The following TENT4A variants were observed in gnomAD, a reference collection of about 807,000 sequenced individuals.
TENT4A encodes the protein DNA polymerase kappa.
In TENT4A, 7 loss-of-function variants were observed where a neutral mutation model predicts 72.8. The ratio of observed to expected loss-of-function variants is 0.10; its 90% CI spans 0.05 to 0.18. The LOEUF is 0.18. Among genes scored for constraint, TENT4A ranks in the 10% least tolerant of loss-of-function variants. The pLI, the probability that TENT4A is intolerant of heterozygous loss-of-function variation, is 1.00. For synonymous variants in TENT4A, 456 were observed against 434.3 expected (o/e 1.05, Z -0.62); for missense variants, 831 against 1,017.7 (o/e 0.82, Z 2.50).
chr5:6,736,455 A>T lies in TENT4A; in HGVS notation c.717-1055A>T, dbSNP rs975968522. On this transcript the variant is annotated intron_variant, in intron 1 of 12. Transcript: ENST00000230859. Reference sequence around the variant, plus strand: ...TTGCCTTATTTATGAAACAGAATGGAAACAGGCGAGTTTGATTTGTTATAA... The same window carrying T: ...TTGCCTTATTTATGAAACAGAATGGTAACAGGCGAGTTTGATTTGTTATAA... 2.0e-5 allele frequency among the ~76,000 whole-genome samples: 3 copies of T among 152,360 alleles called. No individual in the cohort carries two copies. In the South Asian group the frequency reaches 6.2e-4, roughly 32 times the overall value.
At chr5:6,728,453 C>T (rs1741051792) in intron 1 of TENT4A, among the ~76,000 whole-genome samples, 1 of 152,208 alleles carries the variant, frequency 6.6e-6, no homozygotes, top group Non-Finnish European at 1.5e-5. Context: ...GAACGCCTTC[C>T]TCACAAAGCT....
intron 1 of TENT4A, among the ~76,000 whole-genome samples, chr5:6,735,134 A>G (rs189547493): frequency 1.3e-5 from 2 of 152,348 alleles, no homozygotes; most frequent in Admixed American, 6.5e-5. Context: ...CCTGTTTACA[A>G]TATGCTTTAA....
At chr5:6,741,847 C>T (rs951619818) in intron 4 of TENT4A, among the ~76,000 whole-genome samples, 1 of 152,164 alleles carries the variant, frequency 6.6e-6, no homozygotes, top group African/African-American at 2.4e-5. Context: ...GGAAACAAAA[C>T]ATTGCCTTTT....
At chr5:6,715,292 A>C (rs1324643631) in intron 1 of TENT4A, among the ~76,000 whole-genome samples, 1 of 152,198 alleles carries the variant, frequency 6.6e-6, no homozygotes, top group Non-Finnish European at 1.5e-5. Flanking sequence ...GATTTGTCAT[A>C]TATGTCTATT....
chr5:6,727,744 G>A (rs1016659027), intron 1 of TENT4A, among the ~76,000 whole-genome samples: 5 of 152,118 alleles, frequency 3.3e-5, no homozygotes, highest in African/African-American at 1.2e-4. Context: ...CAACTTTTTG[G>A]TTTATTTTGG....
chr5:6,726,024 A>G (rs1740902769), intron 1 of TENT4A, among the ~76,000 whole-genome samples: 1 of 152,164 alleles, frequency 6.6e-6, no homozygotes, highest in African/African-American at 2.4e-5. Flanking sequence ...TGGGCTGTGT[A>G]GGTTGGAGGC....
rs980212995 is a variant in TENT4A at position 6,720,825 on chromosome 5, T to G, written c.716+6126T>G. On this transcript the variant is annotated intron_variant, in intron 1 of 12. Coordinates refer to ENST00000230859, the MANE Select transcript of TENT4A (RefSeq NM_006999.6). ...TAGTTTAGGAAAGGGGTCTTTCCTA[T>G]GCAGGTGGGGGTTGATGACTTACCC... Among the ~76,000 whole-genome samples the G allele has an allele frequency of 7.9e-5, 12 of 152,314 alleles. No individual in the cohort carries two copies. The East Asian group carries it at 1.5e-3, about 20-fold the overall frequency.
intron 7 of TENT4A, 61 bp downstream of exon 7, chr5:6,746,488 C>T: frequency 6.5e-7 from 1 of 1,527,412 alleles, no homozygotes; most frequent in Non-Finnish European, 9.0e-7. Flanking sequence ...GTGCTGGTGA[C>T]AGGGCCTGTG....
intron 1 of TENT4A, among the ~76,000 whole-genome samples, chr5:6,720,403 A>G (rs1740587614): frequency 6.6e-6 from 1 of 151,710 alleles, no homozygotes; most frequent in South Asian, 2.1e-4. Context: ...CCCTGACTGG[A>G]CTCCAGCCCA....
At chr5:6,720,335 C>A (rs995212876) in intron 1 of TENT4A, among the ~76,000 whole-genome samples, 1 of 152,094 alleles carries the variant, frequency 6.6e-6, no homozygotes, top group Non-Finnish European at 1.5e-5. Context: ...GGGTAGACTT[C>A]CCCTGGCATA....
chr5:6,735,117 G>A (rs1187030413), intron 1 of TENT4A, among the ~76,000 whole-genome samples: 2 of 152,212 alleles, frequency 1.3e-5, no homozygotes, highest in Non-Finnish European at 2.9e-5. Flanking sequence ...TTGACAAATT[G>A]GAATGCCCTG....
Position 6,714,214 on chromosome 5 carries a change from CCCCACCGCG to C in TENT4A, c.235_243del (p.Thr79_Pro81del), listed in dbSNP as rs1224989310. 13 of 976,668 alleles carry C rather than the reference CCCCACCGCG, an allele frequency of 1.3e-5. No individual in the cohort carries two copies. Among genetic ancestry groups the C allele is most frequent in the African/African-American group, 5.4e-5 (3 of 56,026 alleles). The allele number at this position is 976,668 out of a possible 1,614,324, so 60.5% of individuals were successfully genotyped here. ...CCGCCGCGTCGCCCCCGCCGCCCGG[CCCCACCGCG>C]CCCGCCGCGCTGCCCCCCGCGCTGC... is the stretch of plus-strand genomic sequence containing the variant. On this transcript the variant is annotated inframe_deletion, in exon 1 of 13. Coordinates refer to ENST00000230859, the MANE Select transcript of TENT4A (RefSeq NM_006999.6).
chr5:6,742,923 A>G lies in TENT4A; in HGVS notation c.1116+326A>G, dbSNP rs537802582. On this transcript the variant is annotated intron_variant, in intron 5 of 12. Coordinates refer to ENST00000230859, the MANE Select transcript of TENT4A (RefSeq NM_006999.6). ...GCAGGTTTTACCCAGGTGGAAGTTG[A>G]TAAATCATGAGGTGCCTTAAATATA... Among the ~76,000 whole-genome samples, 44 of 152,256 alleles carry G rather than the reference A, an allele frequency of 2.9e-4. No homozygotes were observed. In the South Asian group the frequency reaches 8.5e-3, roughly 29 times the overall value.
At chr5:6,730,095 G>GCC (rs3215068) in intron 1 of TENT4A, among the ~76,000 whole-genome samples, 359 of 151,102 alleles carry the variant, frequency 2.4e-3, no homozygotes, top group African/African-American at 8.3e-3. Context: ...TTGTTTCTCC[G>GCC]CCCCCCCCCG....
chr5:6,716,987 C>T (rs1373575421), intron 1 of TENT4A, among the ~76,000 whole-genome samples: 1 of 152,236 alleles, frequency 6.6e-6, no homozygotes, highest in Non-Finnish European at 1.5e-5. Context: ...CAGAAGGGCA[C>T]GGTGACCTCT....
At chr5:6,735,724 A>G (rs1251083921) in intron 1 of TENT4A, among the ~76,000 whole-genome samples, 2 of 151,154 alleles carry the variant, frequency 1.3e-5, no homozygotes, top group African/African-American at 4.9e-5. Flanking sequence ...TGGCTGTCTG[A>G]ATTGGGACCA....
rs554075757 is a variant in TENT4A, at chr5:6,755,030, C to G, written c.*85C>G. ...ACCGGCAGGGGAACCGAGACCAGCA[C>G]CCCGCACGTCAGCCGGGCTCGCGGC... is the stretch of plus-strand genomic sequence containing the variant. On this transcript the variant is annotated 3_prime_UTR_variant, in exon 13 of 13. Transcript: ENST00000230859. 1.6e-6 allele frequency: 2 copies of G among 1,240,820 alleles called. No individual in the cohort carries two copies. The highest frequency in any genetic ancestry group is 2.8e-5 in the Admixed American group (1 of 35,452). 76.9% of individuals were successfully genotyped at this position (1,240,820 alleles called of 1,614,324 possible).
Position 6,752,996 on chromosome 5 carries a change from G to A in TENT4A, c.2143G>A (p.Ala715Thr), listed in dbSNP as rs1176417553. Residue 715 changes from alanine (A) to threonine (T), a missense_variant, in exon 12 of 13, where the codon GCG (alanine) becomes ACG (threonine). Ala to Thr is a moderately conservative substitution (Grantham distance 58). Coordinates refer to ENST00000230859, the MANE Select transcript of TENT4A (RefSeq NM_006999.6). ...CATGTCTTCCCCGGCCATTCCCTCA[G>A]CGTCCCCCAACCCGCTCTCGAGCCC... The part of the protein sequence containing the change: ...HHMSSPAIPS[A>T]SPNPLSSPHL... 1.2e-6 allele frequency: 2 copies of A among 1,614,034 alleles called. No homozygotes were observed. The highest frequency in any genetic ancestry group is 2.7e-5 in the African/African-American group (2 of 74,904).
rs1034258972 is a variant in TENT4A at position 6,743,714 on chromosome 5, A to G, written c.1119A>G (p.Lys373=). ...AAEFIKNYMK[K]YSLLPYLILV... ...TCTTTTTCTTTTGGAATTTACAGAA[A>G]TATTCATTGCTGCCTTACTTGATTT... is the stretch of plus-strand genomic sequence containing the variant. The change falls in exon 6 of 13, where the codon AAA becomes AAG. Residue 373 remains lysine (K), a splice_region_variant and synonymous_variant. Coordinates refer to ENST00000230859, the MANE Select transcript of TENT4A (RefSeq NM_006999.6). 6.2e-7 allele frequency: 1 copy of G among 1,605,012 alleles called. No homozygotes were observed. Among genetic ancestry groups the G allele is most frequent in the South Asian group, 1.1e-5 (1 of 89,802 alleles).
Sources: gnomAD v4.1 joint callset for allele counts (sites outside exome capture counted in the v4.1 genomes callset) on GRCh38, gnomAD v4.1.1 for gene constraint, MANE v1.5 for transcripts, NCBI Gene and HGNC (gene_info 2026-07-23, HGNC 2026-07-21) for gene names.